Variants in MEGF11 observed in about 807,000 individuals in gnomAD.
MEGF11 encodes the protein multiple EGF like domains 11.
A neutral mutation model predicts 146.6 loss-of-function variants in MEGF11; 126 were observed. That is an observed-to-expected ratio of 0.86 (90% CI 0.74 to 1.00). MEGF11 has a LOEUF of 1.00. MEGF11 is among the 50% of genes least tolerant of loss of function. The pLI is 0.00. For missense variants in MEGF11, 1,509 were observed against 1,521.2 expected (o/e 0.99, Z 0.13); for synonymous variants, 532 against 583.4 (o/e 0.91, Z 1.27).
At chr15:65,992,164 C>T (rs972376767) in intron 5 of MEGF11, among the ~76,000 whole-genome samples, 6 of 152,204 alleles carry the variant, frequency 3.9e-5, no homozygotes, top group Non-Finnish European at 7.3e-5. Context: ...TCATTACCTT[C>T]CTCATCTCTA....
At chr15:65,965,381 A>G in intron 8 of MEGF11, 1 of 416,936 alleles carries the variant, frequency 2.4e-6, no homozygotes, top group Non-Finnish European at 4.2e-6. Flanking sequence ...ATTGATTCCA[A>G]GCCTAATAAT....
intron 1 of MEGF11, among the ~76,000 whole-genome samples, chr15:66,143,128 C>T (rs1034679393): frequency 5.3e-5 from 8 of 152,296 alleles, no homozygotes; most frequent in East Asian, 1.9e-4. Context: ...AATAAACATT[C>T]GATAACTAAT....
Position 66,155,267 on chromosome 15 carries a change from C to A in MEGF11, c.-8-26856G>T, listed in dbSNP as rs371460369. Reference sequence around the variant, plus strand: ...ACACATGGTGATGCCCCCCACCCCCCGCTATGGGGTAAGGGCTCAGAGGCA... The same window carrying A: ...ACACATGGTGATGCCCCCCACCCCCAGCTATGGGGTAAGGGCTCAGAGGCA... On this transcript the variant is annotated intron_variant, in intron 1 of 25. Coordinates refer to ENST00000395614, the MANE Select transcript of MEGF11 (RefSeq NM_001385028.1). Among the ~76,000 whole-genome samples, 3 of 152,180 alleles carry A rather than the reference C, an allele frequency of 2.0e-5. No homozygotes were observed. The East Asian group carries it at 5.8e-4, about 29-fold the overall frequency.
At chr15:65,930,317 C>T (rs1169567278) in intron 11 of MEGF11, among the ~76,000 whole-genome samples, 1 of 152,170 alleles carries the variant, frequency 6.6e-6, no homozygotes, top group Non-Finnish European at 1.5e-5. Flanking sequence ...GGCTGCACAT[C>T]CCAGGCTCCC....
At chr15:66,122,884 T>C (rs115391576) in intron 3 of MEGF11, among the ~76,000 whole-genome samples, 2,145 of 152,230 alleles carry the variant, frequency 0.014, 54 homozygotes, top group African/African-American at 0.049. Context: ...GCGGAGTTCA[T>C]GCCATTCTCT....
intron 1 of MEGF11, among the ~76,000 whole-genome samples, chr15:66,208,302 G>T (rs2140116922): frequency 6.6e-6 from 1 of 152,160 alleles, no homozygotes; most frequent in East Asian, 1.9e-4. Flanking sequence ...CTGATGTTTT[G>T]TGTATATAAT....
chr15:66,011,771 T>C (rs905315915), intron 5 of MEGF11, among the ~76,000 whole-genome samples: 4 of 150,702 alleles, frequency 2.7e-5, no homozygotes, highest in African/African-American at 9.8e-5. Context: ...TGGCCAACAA[T>C]GGGGAACTGG....
intron 7 of MEGF11, among the ~76,000 whole-genome samples, chr15:65,977,431 C>G (rs1331618985): frequency 6.6e-6 from 1 of 151,302 alleles, no homozygotes; most frequent in African/African-American, 2.4e-5. Context: ...CTTCTCAAAC[C>G]TGAGCATCTG....
At chr15:65,949,677 T>C (rs2080322732) in intron 10 of MEGF11, among the ~76,000 whole-genome samples, 1 of 152,164 alleles carries the variant, frequency 6.6e-6, no homozygotes. Context: ...CCCCTTATCT[T>C]CCAGACACGC....
At chr15:65,903,911 A>C (rs2078556172) in intron 24 of MEGF11, among the ~76,000 whole-genome samples, 1 of 152,196 alleles carries the variant, frequency 6.6e-6, no homozygotes, top group Non-Finnish European at 1.5e-5. Flanking sequence ...ACATTTGCTT[A>C]CATAGCTCTC....
chr15:66,085,780 T>TA (rs1408739143), intron 5 of MEGF11, among the ~76,000 whole-genome samples: 7 of 151,950 alleles, frequency 4.6e-5, no homozygotes, highest in Non-Finnish European at 8.8e-5. Flanking sequence ...TCAACACCCC[T>TA]AAAAAATCAC....
chr15:66,055,068 T>C (rs1317170298), intron 5 of MEGF11, among the ~76,000 whole-genome samples: 1 of 152,216 alleles, frequency 6.6e-6, no homozygotes, highest in Non-Finnish European at 1.5e-5. Flanking sequence ...CCATCCCTCC[T>C]GTATTGAACC....
intron 1 of MEGF11, among the ~76,000 whole-genome samples, chr15:66,166,097 A>C (rs1381274067): frequency 6.6e-6 from 1 of 152,106 alleles, no homozygotes; most frequent in Non-Finnish European, 1.5e-5. Context: ...CTCACCCCTG[A>C]GCTCCAGATC....
At chr15:66,241,607 T>C (rs569732211) in intron 1 of MEGF11, among the ~76,000 whole-genome samples, 2 of 152,166 alleles carry the variant, frequency 1.3e-5, no homozygotes, top group East Asian at 3.9e-4. Context: ...CAGGAGGCTT[T>C]TTTGCGGGGA....
intron 1 of MEGF11, among the ~76,000 whole-genome samples, chr15:66,232,410 G>A (rs1017776551): frequency 3.3e-5 from 5 of 152,268 alleles, no homozygotes; most frequent in East Asian, 1.9e-4. Context: ...GCTGTGCTGC[G>A]AGAGACTCAG....
At chr15:66,211,523 CAAA>C (rs10709815) in intron 1 of MEGF11, among the ~76,000 whole-genome samples, 17 of 91,630 alleles carry the variant, frequency 1.9e-4, no homozygotes, top group Non-Finnish European at 2.3e-4. Context: ...GACTCAGTCT[CAAA>C]AAAAAAAAAA....
chr15:65,981,053 G>C (rs1368411013), intron 6 of MEGF11, among the ~76,000 whole-genome samples, 155 bp from the exon 7 acceptor site: 1 of 152,210 alleles, frequency 6.6e-6, no homozygotes. Flanking sequence ...TGCCAGGAGG[G>C]GGAAGCAAGG....
intron 23 of MEGF11, among the ~76,000 whole-genome samples, chr15:65,907,020 T>G (rs2078649685): frequency 6.6e-6 from 1 of 152,176 alleles, no homozygotes; most frequent in South Asian, 2.1e-4. Flanking sequence ...CAGTAATGAC[T>G]CTGGCTCAAA....
intron 1 of MEGF11, among the ~76,000 whole-genome samples, chr15:66,144,602 C>A (rs1020790812): frequency 6.6e-6 from 1 of 152,218 alleles, no homozygotes; most frequent in Admixed American, 6.5e-5. Flanking sequence ...ATCACTCTAA[C>A]AGGAATGCCC....
Sources: gnomAD v4.1 joint callset for allele counts (sites outside exome capture counted in the v4.1 genomes callset) on GRCh38, gnomAD v4.1.1 for gene constraint, MANE v1.5 for transcripts, NCBI Gene and HGNC (gene_info 2026-07-23, HGNC 2026-07-21) for gene names.